Variants in DLG2 observed in about 807,000 individuals in gnomAD.
DLG2 encodes the protein discs large MAGUK scaffold protein 2, also known as disks large homolog 2.
Under a neutral mutation model 132.5 loss-of-function variants are expected in DLG2, and 45 were observed. The observed-to-expected ratio is 0.34, with a 90% CI of 0.27 to 0.44. DLG2 has a LOEUF of 0.44. Ranked by LOEUF, DLG2 falls within the 20% of genes least tolerant of loss-of-function variation. The pLI is 1.00. For synonymous variants in DLG2, 424 were observed against 419.6 expected, an observed-to-expected ratio of 1.01 and a Z score of -0.13; for missense variants, 1,045 against 1,196.9, an observed-to-expected ratio of 0.87 and a Z score of 1.87.
Position 84,813,919 on chromosome 11 carries a change from G to A in DLG2, c.358-279188C>T, listed in dbSNP as rs577392690. ...ACTTTTCTTGCTCTTCTATCATTTG[G>A]AAATAGGATGGTGCTCATTTCAGAG... On this transcript the variant is annotated intron_variant, in intron 6 of 27. Transcript: ENST00000376104. Among the ~76,000 whole-genome samples, 389 of 152,052 alleles carry A rather than the reference G, an allele frequency of 2.6e-3. 3 individuals are homozygous for A. In the Middle Eastern group the frequency reaches 0.027, roughly 11 times the overall value.
chr11:85,348,286 G>A (rs1451393305), intron 3 of DLG2, among the ~76,000 whole-genome samples: 1 of 150,792 alleles, frequency 6.6e-6, no homozygotes, highest in Non-Finnish European at 1.5e-5. Flanking sequence ...GAAGTGGCAC[G>A]ATCTCAGCTC....
intron 7 of DLG2, among the ~76,000 whole-genome samples, chr11:84,507,178 T>G (rs572035327): frequency 4.8e-4 from 73 of 152,318 alleles, no homozygotes; most frequent in Non-Finnish European, 8.8e-4. Context: ...TCAGGTACAG[T>G]GCTATTACAG....
At chr11:85,009,111 G>T (rs754361237) in intron 6 of DLG2, among the ~76,000 whole-genome samples, 12 of 151,980 alleles carry the variant, frequency 7.9e-5, no homozygotes, top group Non-Finnish European at 1.8e-4. Context: ...AGAGGAAAAG[G>T]TAAGGTCAAG....
intron 10 of DLG2, among the ~76,000 whole-genome samples, chr11:84,068,209 C>G (rs1050794176): frequency 6.6e-6 from 1 of 152,238 alleles, no homozygotes; most frequent in African/African-American, 2.4e-5. Flanking sequence ...AGGAATTCCT[C>G]TAACACCTGA....
chr11:85,452,668 A>G, intron 3 of DLG2: 1 of 176,014 alleles, frequency 5.7e-6, no homozygotes, highest in African/African-American at 2.4e-5. Flanking sequence ...AAGATTGATA[A>G]CAGGAGCTAA....
At chr11:85,346,097 A>G (rs1412768658) in intron 3 of DLG2, among the ~76,000 whole-genome samples, 1 of 152,076 alleles carries the variant, frequency 6.6e-6, no homozygotes, top group Non-Finnish European at 1.5e-5. Context: ...CCTGAAAGTC[A>G]GAGGAGGAAC....
At chr11:85,220,637 A>AATATAT (rs1554992640) in intron 4 of DLG2, among the ~76,000 whole-genome samples, 4 of 148,256 alleles carry the variant, frequency 2.7e-5, no homozygotes, top group African/African-American at 2.5e-5. Flanking sequence ...TAGAAAAAAA[A>AATATAT]ATATATATAT....
intron 6 of DLG2, among the ~76,000 whole-genome samples, chr11:84,765,587 C>T (rs1173501531): frequency 6.6e-6 from 1 of 151,990 alleles, no homozygotes; most frequent in Non-Finnish European, 1.5e-5. Context: ...AGGAAAATAT[C>T]ACACATACTT....
intron 8 of DLG2, among the ~76,000 whole-genome samples, chr11:84,170,065 T>C (rs1288414662): frequency 2.6e-5 from 4 of 151,914 alleles, no homozygotes; most frequent in Non-Finnish European, 5.9e-5. Flanking sequence ...TATATTAACC[T>C]TTTTTTTACC....
chr11:84,428,474 G>A, intron 7 of DLG2, among the ~76,000 whole-genome samples: 1 of 152,210 alleles, frequency 6.6e-6, no homozygotes, highest in Non-Finnish European at 1.5e-5. Context: ...CAGTTCTGGA[G>A]ACTGGGAAGT....
intron 7 of DLG2, among the ~76,000 whole-genome samples, chr11:84,324,457 T>C (rs2098420919): frequency 6.6e-6 from 1 of 152,150 alleles, no homozygotes; most frequent in African/African-American, 2.4e-5. Context: ...AGCTTTGTAA[T>C]ATATTTTTAA....
intron 6 of DLG2, among the ~76,000 whole-genome samples, chr11:85,057,116 T>G (rs2063542498): frequency 6.6e-6 from 1 of 151,672 alleles, no homozygotes; most frequent in African/African-American, 2.4e-5. Context: ...ACATATATTT[T>G]TAAAAGGAGA....
At chr11:85,126,285 G>T (rs771517948) in intron 5 of DLG2, among the ~76,000 whole-genome samples, 29 of 152,110 alleles carry the variant, frequency 1.9e-4, no homozygotes, top group Non-Finnish European at 3.8e-4. Context: ...AGAAATTTAG[G>T]TTCTAAGTCA....
intron 7 of DLG2, among the ~76,000 whole-genome samples, chr11:84,469,548 C>G (rs762716366): frequency 3.3e-5 from 5 of 151,572 alleles, no homozygotes; most frequent in South Asian, 2.1e-4. Context: ...GTGGCAACTT[C>G]TTTGTTCTCA....
intron 3 of DLG2, among the ~76,000 whole-genome samples, chr11:85,415,751 G>A (rs1001794267): frequency 6.6e-6 from 1 of 151,958 alleles, no homozygotes; most frequent in Non-Finnish European, 1.5e-5. Context: ...CTGGATATTA[G>A]CCCTTTGTCA....
chr11:83,962,594 T>C (rs1225201807), intron 14 of DLG2, among the ~76,000 whole-genome samples: 1 of 152,118 alleles, frequency 6.6e-6, no homozygotes, highest in Non-Finnish European at 1.5e-5. Flanking sequence ...TATTAATACT[T>C]ACCTTACACT....
chr11:83,821,529 G>A (rs1228846628), intron 17 of DLG2, among the ~76,000 whole-genome samples: 1 of 152,036 alleles, frequency 6.6e-6, no homozygotes, highest in Non-Finnish European at 1.5e-5. Flanking sequence ...CATATCTTAT[G>A]TCTCCACTAA....
chr11:84,427,663 C>A (rs1341259766), intron 7 of DLG2, among the ~76,000 whole-genome samples: 1 of 152,148 alleles, frequency 6.6e-6, no homozygotes, highest in Non-Finnish European at 1.5e-5. Context: ...CTTTCCCAAG[C>A]ACTGTCCCTC....
At chr11:85,362,261 G>A (rs2084212718) in intron 3 of DLG2, among the ~76,000 whole-genome samples, 1 of 152,140 alleles carries the variant, frequency 6.6e-6, no homozygotes, top group Admixed American at 6.6e-5. Flanking sequence ...AGCCTCCTGT[G>A]ATTTGTTTAT....
Sources: gnomAD v4.1 joint callset for allele counts (sites outside exome capture counted in the v4.1 genomes callset) on GRCh38, gnomAD v4.1.1 for gene constraint, MANE v1.5 for transcripts, NCBI Gene and HGNC (gene_info 2026-07-23, HGNC 2026-07-21) for gene names.